PCDHGB3: variants seen among roughly 807,000 people sequenced by gnomAD.
The protein encoded by PCDHGB3 is protocadherin gamma subfamily B, 3, also known as protocadherin gamma-B3.
A neutral mutation model predicts 59.2 loss-of-function variants in PCDHGB3; 40 were observed. That is an observed-to-expected ratio of 0.68 (90% CI 0.52 to 0.88). PCDHGB3 has a LOEUF of 0.88. Among genes scored for constraint, PCDHGB3 ranks in the 40% least tolerant of loss-of-function variants. PCDHGB3 has a pLI of 0.00. For synonymous variants in PCDHGB3, 581 were observed against 503.6 expected (o/e 1.15, Z -2.06); for missense variants, 1,309 against 1,187.9 (o/e 1.10, Z -1.50).
At chr5:141,399,641 C>G in intron 1 of PCDHGB3, 1 of 1,613,852 alleles carries the variant, frequency 6.2e-7, no homozygotes, top group Non-Finnish European at 8.5e-7. Context: ...TCCATGAGCG[C>G]GCAAAGTGGG....
chr5:141,410,623 G>T, intron 1 of PCDHGB3: 2 of 1,603,052 alleles, frequency 1.2e-6, no homozygotes, highest in Non-Finnish European at 1.7e-6. Context: ...TGACTTCGGT[G>T]AGTTTCTCTT....
At chr5:141,376,280 G>A (rs1366103411) in intron 1 of PCDHGB3, 4 of 1,614,226 alleles carry the variant, frequency 2.5e-6, no homozygotes, top group Admixed American at 1.7e-5. Context: ...AGGTGGCTTA[G>A]CGAGCATGCC....
At position 141,432,640 on chromosome 5, in the gene PCDHGB3, C is replaced by T. The variant is rs2097523683; in HGVS notation, c.2415+59831C>T. On this transcript the variant is annotated intron_variant, in intron 1 of 3. Transcript: ENST00000576222. This position sits in a 1 kb window ranked among gnomAD's most constrained non-coding sequence, Gnocchi z 6.0. ...TGGGTCTGCACACGGGCGAGGTGCG[C>T]ACGGCGCGAGCCCTGCTGGACAGAG... 1.9e-6 allele frequency: 3 copies of T among 1,613,814 alleles called. No individual in the cohort carries two copies. The highest frequency in any genetic ancestry group is 2.5e-6 in the Non-Finnish European group (3 of 1,179,932).
At chr5:141,397,978 C>G in intron 1 of PCDHGB3, 1 of 1,261,722 alleles carries the variant, frequency 7.9e-7, no homozygotes, top group Non-Finnish European at 1.1e-6. Flanking sequence ...CAGCGCCGGC[C>G]TTTACACCGC....
At position 141,372,796 on chromosome 5, in the gene PCDHGB3, G is replaced by A. The variant is rs1466519427; in HGVS notation, c.2402G>A (p.Gly801Asp). ...NDNPEMPSNS[G>D]NLQKQAPPNT... ...AATCCAGAAATGCCTTCTAATTCAG[G>A]CAATTTGCAAAAGGTGAGTTTCTTC... The change falls in exon 1 of 4, where the codon GGC becomes GAC. Residue 801 changes from glycine to aspartate, a missense_variant. Coordinates refer to ENST00000576222, the MANE Select transcript of PCDHGB3 (RefSeq NM_018924.5). 7.5e-6 allele frequency: 12 copies of A among 1,597,700 alleles called. No individual in the cohort carries two copies. Among genetic ancestry groups the A allele is most frequent in the Non-Finnish European group, 1.0e-5 (12 of 1,171,762 alleles).
At chr5:141,405,757 C>T (rs754575292) in intron 1 of PCDHGB3, among the ~76,000 whole-genome samples, 13 of 152,264 alleles carry the variant, frequency 8.5e-5, no homozygotes, top group East Asian at 3.9e-4. Context: ...GGATTACAGG[C>T]GTGAGCCACT....
intron 1 of PCDHGB3, chr5:141,384,751 G>T (rs1403362361): frequency 1.2e-6 from 2 of 1,614,050 alleles, no homozygotes; most frequent in East Asian, 4.5e-5. Flanking sequence ...AGGACTCTTT[G>T]CGGTTGGGCT....
intron 1 of PCDHGB3, among the ~76,000 whole-genome samples, chr5:141,467,297 CT>C (rs1229166213): frequency 2.0e-5 from 3 of 152,182 alleles, no homozygotes; most frequent in African/African-American, 7.2e-5. Context: ...AAGTGATCCA[CT>C]CACCTCGGCC....
At chr5:141,419,378 G>A in intron 1 of PCDHGB3, 3 of 1,613,710 alleles carry the variant, frequency 1.9e-6, no homozygotes, top group Non-Finnish European at 2.5e-6. Context: ...CTACGTGTCC[G>A]TGAGCGCGCA....
intron 1 of PCDHGB3, chr5:141,388,833 T>G (rs761698912): frequency 6.2e-7 from 1 of 1,613,838 alleles, no homozygotes; most frequent in Non-Finnish European, 8.5e-7. Context: ...TTCCATAGTT[T>G]TGGAAGCAAG....
intron 1 of PCDHGB3, chr5:141,478,905 G>T (rs1593970684): frequency 1.1e-6 from 1 of 930,214 alleles, no homozygotes; most frequent in East Asian, 2.7e-5. Flanking sequence ...GGAATAAGCT[G>T]CTGGATACCT....
chr5:141,479,466 C>G (rs1004384273), intron 1 of PCDHGB3: 1 of 152,224 alleles, frequency 6.6e-6, no homozygotes, highest in Non-Finnish European at 1.5e-5. Flanking sequence ...AATACAGTGA[C>G]CTCTTGGGAG....
At chr5:141,478,629 T>A in intron 1 of PCDHGB3, 1 of 1,553,688 alleles carries the variant, frequency 6.4e-7, no homozygotes, top group Non-Finnish European at 8.7e-7. Context: ...AGCTGTTTTT[T>A]TAGTGATGAA....
At chr5:141,401,614 G>T (rs1242268897) in intron 1 of PCDHGB3, among the ~76,000 whole-genome samples, 1 of 152,188 alleles carries the variant, frequency 6.6e-6, no homozygotes, top group Non-Finnish European at 1.5e-5. Context: ...AAAGACACCG[G>T]ATTTGTCTTA....
At chr5:141,462,019 C>T (rs1276421563) in intron 1 of PCDHGB3, among the ~76,000 whole-genome samples, 6 of 152,178 alleles carry the variant, frequency 3.9e-5, no homozygotes, top group Non-Finnish European at 8.8e-5. Flanking sequence ...GACGGGGTTT[C>T]TTCATGTTGG....
At chr5:141,379,573 G>C (rs1470548160) in intron 1 of PCDHGB3, 1 of 152,120 alleles carries the variant, frequency 6.6e-6, no homozygotes, top group Non-Finnish European at 1.5e-5. Context: ...GATCAGGCTG[G>C]TTTATTTTAT....
chr5:141,490,346 TG>T lies in PCDHGB3; in HGVS notation c.2416-4457del, dbSNP rs1458588422. ...GAGAGCACACCAGTGGGCACAGTAG[TG>T]GGGTTGTTTAATGTGCGAGACCGGG... On this transcript the variant is annotated intron_variant, in intron 1 of 3. Coordinates refer to ENST00000576222, the MANE Select transcript of PCDHGB3 (RefSeq NM_018924.5). The surrounding 1 kb of genome is among the most constrained non-coding windows in gnomAD (Gnocchi z 5.4). 1.2e-6 allele frequency: 2 copies of T among 1,614,164 alleles called. No individual in the cohort carries two copies. The highest frequency in any genetic ancestry group is 3.3e-5 in the Admixed American group (2 of 60,032).
Position 141,372,279 on chromosome 5 carries a change from G to A in PCDHGB3, c.1885G>A (p.Ala629Thr). Residue 629 changes from alanine to threonine, a missense_variant, in exon 1 of 4, where the codon GCG (alanine) becomes ACG (threonine). Physicochemically the swap from Ala to Thr is moderately conservative, Grantham distance 58 (BLOSUM62 0). Coordinates refer to ENST00000576222, the MANE Select transcript of PCDHGB3 (RefSeq NM_018924.5). ...CCTGCGCACGGGTGAGGTGCGCACG[G>A]CGCGTACCTTGGGCGACAGGGAGGC... ...LGLRTGEVRT[A>T]RTLGDREAAR... 1 of 1,613,176 alleles carries A rather than the reference G, an allele frequency of 6.2e-7. No homozygotes were observed. Among genetic ancestry groups the A allele is most frequent in the Middle Eastern group, 1.7e-4 (1 of 6,060 alleles).
chr5:141,488,866 G>C (rs957501628), intron 1 of PCDHGB3, among the ~76,000 whole-genome samples: 1 of 152,148 alleles, frequency 6.6e-6, no homozygotes, highest in East Asian at 1.9e-4. Context: ...GAAGTGAGTG[G>C]GGAGGTAGGA....
Sources: gnomAD v4.1 joint callset for allele counts (sites outside exome capture counted in the v4.1 genomes callset) on GRCh38, gnomAD v4.1.1 for gene constraint, Gnocchi (gnomAD v3.1) non-coding constraint, MANE v1.5 for transcripts, NCBI Gene and HGNC (gene_info 2026-07-23, HGNC 2026-07-21) for gene names.